The following PSME4 variants were observed in gnomAD, a reference collection of about 807,000 sequenced individuals.
PSME4 encodes the protein proteasome activator complex subunit 4.
In PSME4, 89 loss-of-function variants were observed where a neutral mutation model predicts 253.9. That is an observed-to-expected ratio of 0.35 (90% confidence interval 0.30 to 0.42). The LOEUF (loss-of-function observed/expected upper bound fraction) is 0.42, where lower values mean the gene tolerates loss of function less well. PSME4 is among the 10% of genes least tolerant of loss of function. The pLI is 1.00. For missense variants in PSME4, 2,014 were observed against 2,195.2 expected, an observed-to-expected ratio of 0.92 and a Z score of 1.65; for synonymous variants, 851 against 759.2, an observed-to-expected ratio of 1.12 and a Z score of -1.99.
chr2:53,889,318 T>C (rs1490237142), intron 37 of PSME4, among the ~76,000 whole-genome samples: 1 of 152,322 alleles, frequency 6.6e-6, no homozygotes, highest in Non-Finnish European at 1.5e-5. Context: ...ATATAACCTA[T>C]GCACATCCTC....
chr2:53,927,405 C>G lies in PSME4; in HGVS notation c.1582G>C (p.Asp528His), dbSNP rs1222847975. Reference protein sequence around the residue: ...DCSSVLQERNDLTEVERELCS... With the variant: ...DCSSVLQERNHLTEVERELCS... Reference sequence around the variant, plus strand: ...TAAAATACCCTTACTTCTGTGAGGTCATTTCTTTCTTGTAGTACAGATGAA... The same window carrying G: ...TAAAATACCCTTACTTCTGTGAGGTGATTTCTTTCTTGTAGTACAGATGAA... The change falls in exon 12 of 47, where the codon GAC (aspartate) becomes CAC (histidine). Residue 528 changes from aspartate (D) to histidine (H), a missense_variant. This residue lies in a region of PSME4 where 989 missense variants were observed against 1,021.1 expected (regional missense o/e 0.97). Transcript: ENST00000404125. The G allele has an allele frequency of 6.4e-7, 1 of 1,569,954 alleles. No individual in the cohort carries two copies. Among genetic ancestry groups the G allele is most frequent in the Non-Finnish European group, 8.8e-7 (1 of 1,139,990 alleles).
At chr2:53,934,752 G>T (rs367712604) in intron 7 of PSME4, 25 bp from the exon 8 acceptor site, 159 of 1,510,582 alleles carry the variant, frequency 1.1e-4, no homozygotes, top group Middle Eastern at 1.7e-4. Context: ...AAATAAGTAA[G>T]GATATTTACA....
At chr2:53,941,398 C>A (rs1030645913) in intron 3 of PSME4, among the ~76,000 whole-genome samples, 11 of 151,348 alleles carry the variant, frequency 7.3e-5, no homozygotes, top group African/African-American at 2.7e-4. Flanking sequence ...CTAAGCAATT[C>A]AAAAACACAG....
Position 53,934,614 on chromosome 2 carries a change from G to C in PSME4, c.948C>G (p.Thr316=). The C allele has an allele frequency of 6.2e-7, 1 of 1,609,454 alleles. No individual in the cohort carries two copies. The highest frequency in any genetic ancestry group is 1.3e-5 in the African/African-American group (1 of 74,946). Residue 316 remains threonine (T), a synonymous_variant, in exon 8 of 47, where the codon ACC becomes ACG. Transcript: ENST00000404125. ...YDIGHAVIWI[T]AMMGGPSKLV... ...ATAATGTATTACAAACCATCATGGC[G>C]GTGATCCATATTACAGCATGTCCTA...
At chr2:53,913,406 T>C (rs1177364461) in intron 20 of PSME4, among the ~76,000 whole-genome samples, 1 of 152,082 alleles carries the variant, frequency 6.6e-6, no homozygotes, top group Non-Finnish European at 1.5e-5. Context: ...AAAAACAAAA[T>C]ATATAATACA....
chr2:53,969,198 C>T (rs546686841), intron 1 of PSME4, among the ~76,000 whole-genome samples: 7 of 152,266 alleles, frequency 4.6e-5, no homozygotes, highest in Admixed American at 4.6e-4. Context: ...GCTTCTGCCG[C>T]CCCTCACCTC....
intron 44 of PSME4, 66 bp from the exon 45 acceptor site, chr2:53,866,946 ATAAAAT>A: frequency 1.4e-6 from 2 of 1,464,612 alleles, no homozygotes; most frequent in South Asian, 2.8e-5. Context: ...TTACAGTGAG[ATAAAAT>A]TAGTTTTCAA....
chr2:53,931,032 C>A (rs944090779), intron 10 of PSME4, among the ~76,000 whole-genome samples: 1 of 152,202 alleles, frequency 6.6e-6, no homozygotes, highest in African/African-American at 2.4e-5. Flanking sequence ...AATCCCAGCA[C>A]TTTGGGAGGC....
intron 40 of PSME4, among the ~76,000 whole-genome samples, chr2:53,887,042 T>C (rs944327773): frequency 1.3e-5 from 2 of 152,112 alleles, no homozygotes; most frequent in African/African-American, 4.8e-5. Context: ...AGTTTCAGTT[T>C]CGTATGATGA....
rs1679606491 is a variant in PSME4 at position 53,885,791 on chromosome 2, A to T, written c.4730-16T>A. The T allele has an allele frequency of 2.5e-6, 4 of 1,578,618 alleles. No individual in the cohort carries two copies. The highest frequency in any genetic ancestry group is 3.5e-6 in the Non-Finnish European group (4 of 1,148,772). On this transcript the variant is annotated splice_polypyrimidine_tract_variant and intron_variant, in intron 40 of 46. Transcript: ENST00000404125. ...CATTTCAATACTATTTTGAAAACAA[A>T]GATGCAGAGTAAGTCTTTGCCATTC...
intron 1 of PSME4, among the ~76,000 whole-genome samples, chr2:53,967,649 C>CAAAAAAA (rs71408747): frequency 0.11 from 2,467 of 21,528 alleles, 557 homozygotes; most frequent in Non-Finnish European, 0.15. Context: ...GAGATTGTCT[C>CAAAAAAA]AAAAAAAAAA....
At chr2:53,960,423 G>T (rs948500360) in intron 1 of PSME4, among the ~76,000 whole-genome samples, 13 of 149,022 alleles carry the variant, frequency 8.7e-5, no homozygotes, top group Admixed American at 4.0e-4. Flanking sequence ...AAAAGGCACA[G>T]GAGACAGCTC....
intron 1 of PSME4, among the ~76,000 whole-genome samples, chr2:53,966,683 G>C (rs1573392207): frequency 6.6e-6 from 1 of 152,076 alleles, no homozygotes; most frequent in East Asian, 1.9e-4. Context: ...AGGCAAGAGG[G>C]CAAAATCAAG....
chr2:53,865,848 T>G, intron 46 of PSME4: 1 of 469,086 alleles, frequency 2.1e-6, no homozygotes, highest in Non-Finnish European at 3.7e-6. Flanking sequence ...ACCACTCATC[T>G]ACAAAGGTCC....
At chr2:53,887,229 A>T (rs757834256) in intron 40 of PSME4, 30 bp downstream of exon 40, 50 of 1,564,042 alleles carry the variant, frequency 3.2e-5, no homozygotes, top group Non-Finnish European at 4.2e-5. Context: ...GATGTTTTCA[A>T]CTGAGTTTCT....
At chr2:53,927,898 C>T (rs191039681) in intron 11 of PSME4, among the ~76,000 whole-genome samples, 23 of 152,134 alleles carry the variant, frequency 1.5e-4, no homozygotes, top group African/African-American at 5.3e-4. Flanking sequence ...TGCAATGAGC[C>T]GAGGTCGCGC....
At chr2:53,963,015 A>AG (rs1356076368) in intron 1 of PSME4, among the ~76,000 whole-genome samples, 2 of 151,850 alleles carry the variant, frequency 1.3e-5, no homozygotes, top group East Asian at 3.9e-4. Context: ...GTGTCAAAAA[A>AG]AAAAAAAAAA....
At chr2:53,920,168 ACT>A in intron 19 of PSME4, 23 bp downstream of exon 19, 6 of 1,573,852 alleles carry the variant, frequency 3.8e-6, no homozygotes, top group South Asian at 1.2e-5. Flanking sequence ...CAACTGAATA[ACT>A]CTAATTATAA....
Position 53,920,313 on chromosome 2 carries a change from A to G in PSME4, c.2300T>C (p.Ile767Thr), listed in dbSNP as rs1354061188. ...GKPGDLWNLG[I>T]QWHVPSSEEV... ...TTCTGAAGAAGGAACATGCCACTGG[A>G]TTCCCAGATTCCACAAGTCCCCGGG... Residue 767 changes from isoleucine to threonine, a missense_variant, in exon 19 of 47, where the codon ATC (isoleucine) becomes ACC (threonine). This residue lies in a region of PSME4 where 989 missense variants were observed against 1,021.1 expected (regional missense o/e 0.97). Transcript: ENST00000404125. The G allele has an allele frequency of 6.2e-7, 1 of 1,613,546 alleles. No homozygotes were observed. Among genetic ancestry groups the G allele is most frequent in the Non-Finnish European group, 8.5e-7 (1 of 1,179,690 alleles).
Sources: gnomAD v4.1 joint callset for allele counts (sites outside exome capture counted in the v4.1 genomes callset) on GRCh38, gnomAD v4.1.1 for gene constraint, gnomAD v4.1.1 regional missense constraint, MANE v1.5 for transcripts, NCBI Gene and HGNC (gene_info 2026-07-23, HGNC 2026-07-21) for gene names.